DLC1: variants seen among roughly 807,000 people sequenced by gnomAD.
DLC1 encodes the protein DLC1 Rho GTPase activating protein.
Under a neutral mutation model 140.3 loss-of-function variants are expected in DLC1, and 54 were observed. That is an observed-to-expected ratio of 0.38 (90% confidence interval 0.31 to 0.48). The LOEUF is 0.48. Among genes scored for constraint, DLC1 ranks in the 20% least tolerant of loss-of-function variants. The pLI is 0.96. For missense variants in DLC1, 2,536 were observed against 1,907.0 expected, an observed-to-expected ratio of 1.33 and a Z score of -6.14; for synonymous variants, 986 against 728.1, an observed-to-expected ratio of 1.35 and a Z score of -5.70.
chr8:13,156,036 T>TG (rs1175227418), intron 5 of DLC1, among the ~76,000 whole-genome samples: 1 of 152,198 alleles, frequency 6.6e-6, no homozygotes, highest in Non-Finnish European at 1.5e-5. Context: ...ACTTAAAAAT[T>TG]GGAGACAAAT....
At chr8:13,228,698 C>T (rs899999055) in intron 5 of DLC1, among the ~76,000 whole-genome samples, 4 of 152,206 alleles carry the variant, frequency 2.6e-5, no homozygotes, top group African/African-American at 2.4e-5. Context: ...GAACTATGGT[C>T]GTGCTGCTCC....
intron 5 of DLC1, among the ~76,000 whole-genome samples, chr8:13,243,049 G>A (rs1297211750): frequency 6.6e-6 from 1 of 151,868 alleles, no homozygotes; most frequent in African/African-American, 2.4e-5. Flanking sequence ...TAGCACTTTG[G>A]GAGGCCAAGG....
chr8:13,230,633 G>A (rs1043912654), intron 5 of DLC1, among the ~76,000 whole-genome samples: 7 of 133,402 alleles, frequency 5.2e-5, no homozygotes, highest in African/African-American at 2.0e-4. Flanking sequence ...GTCTCACTCT[G>A]TAGCCCAGGC....
chr8:13,197,827 AG>A (rs1201158444), intron 5 of DLC1, among the ~76,000 whole-genome samples: 1 of 152,210 alleles, frequency 6.6e-6, no homozygotes, highest in Admixed American at 6.5e-5. Context: ...ATGAGACTTC[AG>A]GAACAGCCAA....
At chr8:13,249,593 T>C (rs530891038) in intron 5 of DLC1, among the ~76,000 whole-genome samples, 110 of 152,322 alleles carry the variant, frequency 7.2e-4, no homozygotes, top group Non-Finnish European at 1.1e-3. Flanking sequence ...GATTCAACAA[T>C]TTTCTTATTC....
Position 13,414,957 on chromosome 8 carries a change from T to C in DLC1, c.1024-13338A>G, listed in dbSNP as rs1447285889. ...TCCTGAGTAGCTGGGATTACAGGCG[T>C]GCGCCACCATGCCTGGCTAATTTTT... is the stretch of plus-strand genomic sequence containing the variant. On this transcript the variant is annotated intron_variant, in intron 2 of 17. Coordinates refer to ENST00000276297, the MANE Select transcript of DLC1 (RefSeq NM_182643.3). Among the ~76,000 whole-genome samples, 5 of 151,956 alleles carry C rather than the reference T, an allele frequency of 3.3e-5. No homozygotes were observed. The South Asian group carries it at 6.2e-4, about 19-fold the overall frequency.
chr8:13,117,984 C>T (rs144847842), intron 5 of DLC1, among the ~76,000 whole-genome samples: 1,515 of 149,106 alleles, frequency 0.01, 27 homozygotes, highest in African/African-American at 0.035. Flanking sequence ...AATGCATATT[C>T]CTGTCTTCTT....
intron 5 of DLC1, among the ~76,000 whole-genome samples, chr8:13,204,210 G>T (rs1030972432): frequency 2.0e-5 from 3 of 152,148 alleles, no homozygotes; most frequent in Non-Finnish European, 2.9e-5. Flanking sequence ...AGGATGACGG[G>T]ACCCGCGGTT....
At chr8:13,468,901 A>C (rs1585160931) in intron 2 of DLC1, among the ~76,000 whole-genome samples, 1 of 142,282 alleles carries the variant, frequency 7.0e-6, no homozygotes, top group African/African-American at 2.6e-5. Context: ...GTTCACTGCA[A>C]CCTCGGCCTC....
chr8:13,558,889 C>G (rs1343075010), intron 1 of DLC1: 1 of 152,150 alleles, frequency 6.6e-6, no homozygotes, highest in Non-Finnish European at 1.5e-5. Context: ...TTTTATCTCT[C>G]AATGGCCTCA....
chr8:13,270,077 T>G (rs995893881), intron 5 of DLC1, among the ~76,000 whole-genome samples: 1 of 149,754 alleles, frequency 6.7e-6, no homozygotes, highest in South Asian at 2.1e-4. Flanking sequence ...AAAAAAGAAA[T>G]TAAAAAACTT....
At chr8:13,435,212 T>G (rs1476277255) in intron 2 of DLC1, among the ~76,000 whole-genome samples, 1 of 152,220 alleles carries the variant, frequency 6.6e-6, no homozygotes, top group South Asian at 2.1e-4. Flanking sequence ...GGTCCAAGAC[T>G]TCAGTGGAAA....
Position 13,083,682 on chromosome 8 carries a change from T to A in DLC1, c.*2129A>T, listed in dbSNP as rs992742748. 2 of 152,668 alleles carry A rather than the reference T, an allele frequency of 1.3e-5. No homozygotes were observed. The highest frequency in any genetic ancestry group is 4.8e-5 in the African/African-American group (2 of 41,466). The allele number at this position is 152,668 out of a possible 1,614,324, so 9.5% of individuals were successfully genotyped here. A position where few individuals can be genotyped will look rare whatever the true frequency, so the allele number is the denominator to read the frequency against. On this transcript the variant is annotated 3_prime_UTR_variant, in exon 18 of 18. Transcript: ENST00000276297. ...CGTTGTCGTCATCCTCTCAGCGTCGTTTCCTAACTGGACCTTTGTTGGAGA... is the reference window on the plus strand; with the variant it reads ...CGTTGTCGTCATCCTCTCAGCGTCGATTCCTAACTGGACCTTTGTTGGAGA...
chr8:13,336,079 T>C (rs1313247738), intron 4 of DLC1, among the ~76,000 whole-genome samples: 1 of 152,178 alleles, frequency 6.6e-6, no homozygotes, highest in Non-Finnish European at 1.5e-5. Context: ...GCAGAAGGCA[T>C]ATTTCTAAAG....
intron 4 of DLC1, among the ~76,000 whole-genome samples, chr8:13,380,069 C>T (rs1836181778): frequency 6.6e-6 from 1 of 152,116 alleles, no homozygotes; most frequent in Admixed American, 6.5e-5. Flanking sequence ...CCATTCATTC[C>T]TTGTCATTGG....
At chr8:13,271,346 A>C (rs1830923466) in intron 5 of DLC1, among the ~76,000 whole-genome samples, 1 of 152,212 alleles carries the variant, frequency 6.6e-6, no homozygotes, top group Admixed American at 6.5e-5. Flanking sequence ...AGAACAGTTC[A>C]CAGGAGTCAA....
At chr8:13,464,987 C>T (rs1317232571) in intron 2 of DLC1, among the ~76,000 whole-genome samples, 2 of 151,958 alleles carry the variant, frequency 1.3e-5, no homozygotes, top group South Asian at 2.1e-4. Context: ...CCACCTCAGC[C>T]TCCTGAGTAG....
chr8:13,513,250 C>T (rs192130441), intron 1 of DLC1, among the ~76,000 whole-genome samples: 1 of 151,974 alleles, frequency 6.6e-6, no homozygotes, highest in Admixed American at 6.6e-5. Context: ...TATGTTCTTT[C>T]CTTCTCTGAA....
intron 4 of DLC1, chr8:13,339,311 A>G (rs960092914): frequency 2.6e-5 from 4 of 152,198 alleles, no homozygotes; most frequent in East Asian, 1.9e-4. Context: ...GCCAGCGACA[A>G]CCTTCTAGGG....
Sources: gnomAD v4.1 joint callset for allele counts (sites outside exome capture counted in the v4.1 genomes callset) on GRCh38, gnomAD v4.1.1 for gene constraint, MANE v1.5 for transcripts, NCBI Gene and HGNC (gene_info 2026-07-23, HGNC 2026-07-21) for gene names.